DGLUCY: variants seen among roughly 807,000 people sequenced by gnomAD.
DGLUCY encodes the protein D-glutamate cyclase.
DGLUCY carries 58 observed loss-of-function variants against 58.5 expected under a neutral mutation model. The ratio of observed to expected loss-of-function variants is 0.99; its 90% CI spans 0.80 to 1.23. The LOEUF (loss-of-function observed/expected upper bound fraction) is 1.23. DGLUCY is among the 50% of genes most tolerant of loss of function. The pLI is 0.00. For synonymous variants in DGLUCY, 325 were observed against 314.1 expected (o/e 1.03, Z -0.37); for missense variants, 779 against 784.7 (o/e 0.99, Z 0.09).
intron 1 of DGLUCY, among the ~76,000 whole-genome samples, chr14:91,090,661 A>G (rs545628634): frequency 5.3e-5 from 8 of 152,290 alleles, no homozygotes; most frequent in South Asian, 2.1e-4. Flanking sequence ...CTTGGGGTAC[A>G]TGATCCAGCT....
chr14:91,104,790 GTCTGACTACCTGGT>G (rs545560061), upstream of DGLUCY, among the ~76,000 whole-genome samples: 4 of 152,252 alleles, frequency 2.6e-5, no homozygotes, highest in South Asian at 8.3e-4. Flanking sequence ...TGGCTCTGGA[GTCTGACTACCTGGT>G]TGGAGTCCCA....
chr14:91,091,704 G>A (rs953316638), intron 1 of DGLUCY, among the ~76,000 whole-genome samples: 1 of 152,072 alleles, frequency 6.6e-6, no homozygotes, highest in Non-Finnish European at 1.5e-5. Context: ...GGTATAGAGG[G>A]CAAAGACGCC....
chr14:91,217,741 G>C (rs1886801250), intron 13 of DGLUCY, among the ~76,000 whole-genome samples: 1 of 152,136 alleles, frequency 6.6e-6, no homozygotes. Context: ...ACCTGCCTCA[G>C]CCTCCCAAAG....
upstream of DGLUCY, among the ~76,000 whole-genome samples, chr14:91,107,238 G>A (rs903173342): frequency 6.6e-6 from 1 of 151,814 alleles, no homozygotes; most frequent in Non-Finnish European, 1.5e-5. Flanking sequence ...CCTTCATTTC[G>A]CTAGGTGTGG....
chr14:91,169,797 G>T (rs189470392), intron 4 of DGLUCY, among the ~76,000 whole-genome samples: 1 of 152,036 alleles, frequency 6.6e-6, no homozygotes, highest in Admixed American at 6.6e-5. Flanking sequence ...CGTTCTATAC[G>T]TGCTGATTTA....
intron 1 of DGLUCY, among the ~76,000 whole-genome samples, chr14:91,079,584 A>G (rs768552688): frequency 2.0e-4 from 30 of 152,030 alleles, no homozygotes; most frequent in Non-Finnish European, 3.7e-4. Context: ...AAACATAAAC[A>G]TGATTTCTAA....
intron 1 of DGLUCY, among the ~76,000 whole-genome samples, chr14:91,062,557 AAAT>A (rs2043729685): frequency 4.1e-5 from 1 of 24,426 alleles, no homozygotes; most frequent in African/African-American, 1.9e-4. Context: ...AAAAAAAAAA[AAAT>A]ATATATATAT....
intron 1 of DGLUCY, among the ~76,000 whole-genome samples, chr14:91,131,111 G>A (rs562875254): frequency 1.3e-5 from 2 of 152,074 alleles, no homozygotes; most frequent in East Asian, 1.9e-4. Flanking sequence ...TACCACGCCC[G>A]GCTAAGTTTG....
intron 7 of DGLUCY, among the ~76,000 whole-genome samples, chr14:91,179,168 A>G (rs2049020886): frequency 6.6e-6 from 1 of 152,272 alleles, no homozygotes; most frequent in Non-Finnish European, 1.5e-5. Context: ...CTCCAGGAGC[A>G]TACAACTGAG....
chr14:91,101,813 G>C (rs2044491376), intron 1 of DGLUCY, among the ~76,000 whole-genome samples: 1 of 152,152 alleles, frequency 6.6e-6, no homozygotes, highest in Non-Finnish European at 1.5e-5. Flanking sequence ...TCCCATTTCA[G>C]CCTCTCAAGT....
In DGLUCY at chr14:91,224,869, C is replaced by T. The variant is rs374821767; in HGVS notation, c.*36C>T. The T allele has an allele frequency of 8.6e-5, 134 of 1,554,698 alleles. No individual in the cohort carries two copies. The highest frequency in any genetic ancestry group is 5.4e-5 in the African/African-American group (4 of 73,404). ...TCCGTGTGAGCAGAGTCCCTACCAA[C>T]GGGCAGGTCTGCATCCGGGGAGAAT... On this transcript the variant is annotated 3_prime_UTR_variant, in exon 14 of 14. Coordinates refer to ENST00000256324, the MANE Select transcript of DGLUCY (RefSeq NM_001102368.3).
At chr14:91,174,459 C>G (rs1043597364) in intron 6 of DGLUCY, among the ~76,000 whole-genome samples, 3 of 152,112 alleles carry the variant, frequency 2.0e-5, no homozygotes, top group Admixed American at 6.5e-5. Flanking sequence ...GTGCCCAACA[C>G]CATGCCCAGC....
intron 7 of DGLUCY, among the ~76,000 whole-genome samples, chr14:91,179,608 G>T (rs375176825): frequency 6.6e-6 from 1 of 151,678 alleles, no homozygotes; most frequent in Non-Finnish European, 1.5e-5. Flanking sequence ...AAAATTAGCC[G>T]GGTGTAGTGG....
chr14:91,094,098 CTTATG>C (rs1249486878), intron 1 of DGLUCY, among the ~76,000 whole-genome samples: 1 of 152,100 alleles, frequency 6.6e-6, no homozygotes, highest in Middle Eastern at 3.2e-3. Flanking sequence ...ACGAGTGCAT[CTTATG>C]TTATGTGCAT....
intron 1 of DGLUCY, among the ~76,000 whole-genome samples, chr14:91,077,865 A>AGGAAGGAAG: frequency 6.6e-6 from 1 of 151,652 alleles, no homozygotes. Context: ...GAAGGAAGAA[A>AGGAAGGAAG]GGAAGGAAGG....
chr14:91,091,445 C>T (rs2140066311), intron 1 of DGLUCY, among the ~76,000 whole-genome samples: 1 of 152,260 alleles, frequency 6.6e-6, no homozygotes, highest in Non-Finnish European at 1.5e-5. Flanking sequence ...TCGCTTGAAC[C>T]TGGGTGGCAG....
intron 9 of DGLUCY, among the ~76,000 whole-genome samples, chr14:91,190,136 C>T (rs1461042127): frequency 6.6e-6 from 1 of 151,336 alleles, no homozygotes; most frequent in Non-Finnish European, 1.5e-5. Flanking sequence ...TACAGGCGCC[C>T]GCTACCACGC....
chr14:91,158,675 C>T (rs779584014), intron 2 of DGLUCY, among the ~76,000 whole-genome samples: 3 of 152,162 alleles, frequency 2.0e-5, no homozygotes, highest in Non-Finnish European at 4.4e-5. Context: ...ATTCTGCAGT[C>T]AGCTAGTCAT....
intron 13 of DGLUCY, among the ~76,000 whole-genome samples, chr14:91,222,758 T>G (rs1210547136): frequency 6.6e-6 from 1 of 152,222 alleles, no homozygotes; most frequent in Non-Finnish European, 1.5e-5. Flanking sequence ...TAGTTGCCCC[T>G]TGTCGTAGCT....
Sources: gnomAD v4.1 joint callset for allele counts (sites outside exome capture counted in the v4.1 genomes callset) on GRCh38, gnomAD v4.1.1 for gene constraint, MANE v1.5 for transcripts, NCBI Gene and HGNC (gene_info 2026-07-23, HGNC 2026-07-21) for gene names.